NRP2: variants seen among roughly 807,000 people sequenced by gnomAD.
The protein encoded by NRP2 is neuropilin 2, also known as neuropilin-2.
Under a neutral mutation model 110.4 loss-of-function variants are expected in NRP2, and 52 were observed. The ratio of observed to expected loss-of-function variants is 0.47; its 90% CI spans 0.38 to 0.59. The LOEUF (loss-of-function observed/expected upper bound fraction) is 0.59. NRP2 is among the 20% of genes least tolerant of loss of function. The pLI, the probability that NRP2 is intolerant of heterozygous loss-of-function variation, is 0.00. For missense variants in NRP2, 1,049 were observed against 1,203.0 expected, an observed-to-expected ratio of 0.87 and a Z score of 1.89; for synonymous variants, 508 against 468.9, an observed-to-expected ratio of 1.08 and a Z score of -1.08.
intron 3 of NRP2, among the ~76,000 whole-genome samples, chr2:205,720,496 T>C (rs2056989495): frequency 6.6e-6 from 1 of 152,148 alleles, no homozygotes; most frequent in Non-Finnish European, 1.5e-5. Flanking sequence ...GACATTCCCC[T>C]TGCCTTCTAA....
chr2:205,710,693 A>G (rs926891625), intron 2 of NRP2, among the ~76,000 whole-genome samples: 1 of 152,186 alleles, frequency 6.6e-6, no homozygotes, highest in Non-Finnish European at 1.5e-5. Context: ...CTTTTTAGAC[A>G]TCGTGCAGCT....
chr2:205,786,362 A>G (rs2058235909), intron 15 of NRP2, among the ~76,000 whole-genome samples: 1 of 152,194 alleles, frequency 6.6e-6, no homozygotes, highest in Non-Finnish European at 1.5e-5. Flanking sequence ...ACTCATCTGA[A>G]AAATCCAGCG....
rs556547070 is a variant in NRP2 at position 205,704,775 on chromosome 2, G to A, written c.251+7054G>A. On this transcript the variant is annotated intron_variant, in intron 2 of 16. Transcript: ENST00000357785. Reference sequence around the variant, plus strand: ...TAACAATATGCTTTATCTTCTGACTGAGAAAATCACTTGAGATGTTATCAT... The same window carrying A: ...TAACAATATGCTTTATCTTCTGACTAAGAAAATCACTTGAGATGTTATCAT... Among the ~76,000 whole-genome samples, 4 of 152,326 alleles carry A rather than the reference G, an allele frequency of 2.6e-5. No homozygotes were observed. The South Asian group carries it at 8.3e-4, about 32-fold the overall frequency.
rs964172723 is a variant in NRP2 at position 205,765,545 on chromosome 2, T to C, written c.2379T>C (p.Thr793=). ...CCATTGATGACATTCGGATAAGCACTGATGTCCCACTGGAGAACTGCATGG... is the reference window on the plus strand; with the variant it reads ...CCATTGATGACATTCGGATAAGCACCGATGTCCCACTGGAGAACTGCATGG... ...EIAIDDIRIS[T]DVPLENCMEP... is the part of the protein sequence containing the mutation. The change falls in exon 14 of 17, where the codon ACT becomes ACC. Residue 793 remains threonine (T), a synonymous_variant. Transcript: ENST00000357785. 2 of 1,613,884 alleles carry C rather than the reference T, an allele frequency of 1.2e-6. No individual in the cohort carries two copies. Among genetic ancestry groups the C allele is most frequent in the Non-Finnish European group, 8.5e-7 (1 of 1,179,816 alleles).
At chr2:205,716,018 G>A (rs1280333496) in intron 2 of NRP2, among the ~76,000 whole-genome samples, 175 bp from the exon 3 acceptor site, 1 of 152,212 alleles carries the variant, frequency 6.6e-6, no homozygotes, top group Non-Finnish European at 1.5e-5. Flanking sequence ...AAAGCACAAC[G>A]ACCTGCAGTA....
chr2:205,725,346 C>T lies in NRP2; in HGVS notation c.821-567C>T, dbSNP rs1322275869. On this transcript the variant is annotated intron_variant, in intron 5 of 16. Coordinates refer to ENST00000357785, the MANE Select transcript of NRP2 (RefSeq NM_003872.3). This position sits in a 1 kb window ranked among gnomAD's most constrained non-coding sequence, Gnocchi z 4.1. Reference sequence around the variant, plus strand: ...GGGCCAGAGTAAGTGACTTCTGGGTCTATTTGTCCAGACAGGTGGTGCGGG... The same window carrying T: ...GGGCCAGAGTAAGTGACTTCTGGGTTTATTTGTCCAGACAGGTGGTGCGGG... 2.0e-5 allele frequency among the ~76,000 whole-genome samples: 3 copies of T among 152,194 alleles called. No homozygotes were observed. Among genetic ancestry groups the T allele is most frequent in the Admixed American group, 6.5e-5 (1 of 15,274 alleles).
chr2:205,780,365 C>T (rs2058160351), intron 15 of NRP2, among the ~76,000 whole-genome samples: 1 of 152,152 alleles, frequency 6.6e-6, no homozygotes, highest in Non-Finnish European at 1.5e-5. Flanking sequence ...AGGAGAGGCA[C>T]TTGGGGAAAC....
chr2:205,685,304 T>A (rs2056122293), intron 1 of NRP2, among the ~76,000 whole-genome samples: 1 of 152,110 alleles, frequency 6.6e-6, no homozygotes, highest in South Asian at 2.1e-4. Context: ...GCCAGGGACC[T>A]CCAGCTCCCC....
intron 15 of NRP2, among the ~76,000 whole-genome samples, chr2:205,790,484 G>C (rs1235755935): frequency 1.3e-5 from 2 of 152,100 alleles, no homozygotes; most frequent in Non-Finnish European, 2.9e-5. Flanking sequence ...AGCAAGCATA[G>C]GATTTGGCCC....
chr2:205,737,978 C>T (rs1441018675), intron 7 of NRP2, among the ~76,000 whole-genome samples: 1 of 152,200 alleles, frequency 6.6e-6, no homozygotes, highest in Admixed American at 6.5e-5. Flanking sequence ...GCACACACCG[C>T]CATCCCAAAG....
In NRP2 at chr2:205,746,084, G is replaced by A. The variant is rs547467429; in HGVS notation, c.1786+194G>A. Among the ~76,000 whole-genome samples, 150 of 152,288 alleles carry A rather than the reference G, an allele frequency of 9.8e-4. 1 individual carries two copies. The highest frequency in any genetic ancestry group is 3.4e-3 in the African/African-American group (143 of 41,570). The stretch of plus-strand genomic sequence containing the variant: ...GACTTGGGACAGTTTCTCAAGGGAT[G>A]TACTTTGTCTTTTTTAAGGGATCAT... On this transcript the variant is annotated intron_variant, in intron 10 of 16. Transcript: ENST00000357785.
rs2056895912 is a variant in NRP2, at chr2:205,716,393, A to C, written c.433+19A>C. Reference sequence around the variant, plus strand: ...AAGACAGGTCAGTGTGGTCACACGTAGGGGCCGGGAGATGGGCGTCTTAGA... The same window carrying C: ...AAGACAGGTCAGTGTGGTCACACGTCGGGGCCGGGAGATGGGCGTCTTAGA... On this transcript the variant is annotated intron_variant, in intron 3 of 16. Transcript: ENST00000357785. 6.2e-7 allele frequency: 1 copy of C among 1,612,708 alleles called. No homozygotes were observed. The highest frequency in any genetic ancestry group is 8.5e-7 in the Non-Finnish European group (1 of 1,179,840).
chr2:205,761,006 G>A (rs919605000), intron 12 of NRP2: 11 of 152,162 alleles, frequency 7.2e-5, no homozygotes, highest in African/African-American at 2.4e-4. Context: ...TACCGGAAGC[G>A]TGGGAGCATT....
intron 1 of NRP2, among the ~76,000 whole-genome samples, chr2:205,684,539 CT>C (rs2105851571): frequency 6.6e-6 from 1 of 152,294 alleles, no homozygotes; most frequent in African/African-American, 2.4e-5. Flanking sequence ...GCATCTGGTA[CT>C]GTCACCCTTC....
chr2:205,787,411 A>G (rs1406099026), intron 15 of NRP2, among the ~76,000 whole-genome samples: 1 of 152,174 alleles, frequency 6.6e-6, no homozygotes, highest in East Asian at 1.9e-4. Flanking sequence ...AAACCAGCAC[A>G]TTAGTGACCT....
At chr2:205,766,914 A>G (rs2057931659) in intron 15 of NRP2, 111 bp downstream of exon 15, 1 of 960,432 alleles carries the variant, frequency 1.0e-6, no homozygotes, top group East Asian at 2.5e-5. Context: ...AAATCTCGCA[A>G]GAGAAAAGAG....
intron 7 of NRP2, among the ~76,000 whole-genome samples, chr2:205,737,845 TA>T (rs1477852837): frequency 4.6e-5 from 7 of 152,316 alleles, no homozygotes; most frequent in African/African-American, 1.7e-4. Context: ...GGTGCTACTG[TA>T]AGCAGAGATT....
At chr2:205,757,990 T>G (rs2057760455) in intron 12 of NRP2, among the ~76,000 whole-genome samples, 2 of 151,860 alleles carry the variant, frequency 1.3e-5, no homozygotes, top group African/African-American at 4.8e-5. Context: ...ACAGCCTCAA[T>G]GGCAAAACCT....
chr2:205,766,858 C>T (rs1348946846), intron 15 of NRP2, 55 bp downstream of exon 15: 1 of 1,536,536 alleles, frequency 6.5e-7, no homozygotes, highest in Admixed American at 1.7e-5. Context: ...TTTCCTTCCC[C>T]CATGTGATGT....
Sources: allele counts gnomAD v4.1 joint callset (sites outside exome capture counted in the v4.1 genomes callset), GRCh38; gene constraint gnomAD v4.1.1; non-coding constraint Gnocchi (gnomAD v3.1); transcripts MANE v1.5; gene names NCBI Gene and HGNC (gene_info 2026-07-23, HGNC 2026-07-21).